Variants in RABGAP1 observed in about 807,000 individuals in gnomAD.
The protein encoded by RABGAP1 is RAB GTPase activating protein 1.
Under a neutral mutation model 137.6 loss-of-function variants are expected in RABGAP1, and 23 were observed. The observed-to-expected ratio is 0.17, with a 90% confidence interval of 0.12 to 0.24. The LOEUF (loss-of-function observed/expected upper bound fraction) is 0.24, where lower values mean the gene tolerates loss of function less well. Ranked by LOEUF, RABGAP1 falls within the 10% of genes least tolerant of loss-of-function variation. The pLI, the probability that RABGAP1 is intolerant of heterozygous loss-of-function variation, is 1.00. For synonymous variants in RABGAP1, 451 were observed against 450.7 expected (o/e 1.00, Z -0.01); for missense variants, 906 against 1,275.8 (o/e 0.71, Z 4.42).
chr9:123,066,147 C>T (rs1007784179), intron 14 of RABGAP1, among the ~76,000 whole-genome samples: 11 of 152,128 alleles, frequency 7.2e-5, no homozygotes, highest in African/African-American at 1.7e-4. Flanking sequence ...TGAGACATGT[C>T]GCTAATGCTA....
intron 4 of RABGAP1, among the ~76,000 whole-genome samples, chr9:122,987,528 A>G (rs1014525001): frequency 7.2e-5 from 11 of 152,098 alleles, no homozygotes; most frequent in Admixed American, 2.0e-4. Flanking sequence ...TTTAACAGCA[A>G]TGGACCTGTA....
At chr9:122,988,737 C>T (rs984064273) in intron 4 of RABGAP1, among the ~76,000 whole-genome samples, 20 of 151,824 alleles carry the variant, frequency 1.3e-4, no homozygotes, top group Non-Finnish European at 2.9e-5. Context: ...CACCTGAGGT[C>T]GGAAGATTGA....
At chr9:123,084,739 G>C (rs1451676995) in intron 19 of RABGAP1, among the ~76,000 whole-genome samples, 1 of 152,180 alleles carries the variant, frequency 6.6e-6, no homozygotes, top group Non-Finnish European at 1.5e-5. Context: ...ATACTTCACT[G>C]TGTGCTAGGA....
chr9:122,961,844 T>A (rs752478388), intron 2 of RABGAP1, among the ~76,000 whole-genome samples: 17 of 152,018 alleles, frequency 1.1e-4, no homozygotes, highest in Non-Finnish European at 1.8e-4. Context: ...TTGCCAATAA[T>A]AGGAAAAAGG....
intron 19 of RABGAP1, among the ~76,000 whole-genome samples, chr9:123,078,743 T>C (rs2034602067): frequency 6.6e-6 from 1 of 152,194 alleles, no homozygotes; most frequent in Non-Finnish European, 1.5e-5. Flanking sequence ...AAAACCTTGC[T>C]GTCCTCTTGA....
intron 1 of RABGAP1, among the ~76,000 whole-genome samples, chr9:122,947,464 A>T (rs1834003279): frequency 6.6e-6 from 1 of 152,248 alleles, no homozygotes; most frequent in South Asian, 2.1e-4. Context: ...TTCCGTGGCT[A>T]AGATGGTAAT....
chr9:122,944,549 CG>C (rs1564347400), intron 1 of RABGAP1, among the ~76,000 whole-genome samples: 1 of 150,192 alleles, frequency 6.7e-6, no homozygotes, highest in African/African-American at 2.5e-5. Flanking sequence ...TCTTTTGAAA[CG>C]GAGTCTCACT....
intron 19 of RABGAP1, among the ~76,000 whole-genome samples, chr9:123,079,530 C>T (rs375899445): frequency 1.3e-5 from 2 of 152,022 alleles, no homozygotes; most frequent in South Asian, 4.1e-4. Context: ...TGAGCCACCA[C>T]ACCCGGCCCG....
At chr9:123,082,823 T>C (rs1219925958) in intron 19 of RABGAP1, among the ~76,000 whole-genome samples, 4 of 152,242 alleles carry the variant, frequency 2.6e-5, no homozygotes, top group South Asian at 2.1e-4. Flanking sequence ...CCATTTGCTA[T>C]TTGGAGAAAC....
At position 122,957,072 on chromosome 9, in the gene RABGAP1, G is replaced by T. The variant is rs763418723; in HGVS notation, c.13G>T (p.Ala5Ser). 5 of 1,518,380 alleles carry T rather than the reference G, an allele frequency of 3.3e-6. No individual in the cohort carries two copies. The highest frequency in any genetic ancestry group is 2.7e-5 in the African/African-American group (2 of 73,770). 94.1% of individuals were successfully genotyped at this position (1,518,380 alleles called of 1,614,324 possible). MDDKASVGKISVSSD... is the reference protein window; with the variant it reads MDDKSSVGKISVSSD... ...TCATTCTTGAGTTATGGATGACAAG[G>T]CTTCTGTTGGAAAAATCAGTGTCTC... Residue 5 changes from alanine to serine, a missense_variant, in exon 2 of 26, where the codon GCT becomes TCT. Physicochemically the swap from Ala to Ser is moderately conservative, Grantham distance 99. Transcript: ENST00000373647.
At chr9:122,983,883 A>G (rs763486297) in intron 2 of RABGAP1, among the ~76,000 whole-genome samples, 1 of 152,200 alleles carries the variant, frequency 6.6e-6, no homozygotes, top group Non-Finnish European at 1.5e-5. Flanking sequence ...ACTTGATATT[A>G]TTGAAATAGA....
intron 13 of RABGAP1, chr9:123,034,998 G>C (rs140964923): frequency 2.0e-5 from 32 of 1,613,720 alleles, no homozygotes; most frequent in Non-Finnish European, 2.6e-5. Context: ...TTACACCCTG[G>C]AGACTACGCC....
chr9:122,968,452 G>A (rs1156416797), intron 2 of RABGAP1, among the ~76,000 whole-genome samples: 1 of 151,868 alleles, frequency 6.6e-6, no homozygotes, highest in Non-Finnish European at 1.5e-5. Flanking sequence ...TGAATTCGTG[G>A]CCTCAAGTAA....
chr9:122,933,851 C>G, the RABGAP1 span, among the ~76,000 whole-genome samples: 868 of 152,182 alleles, frequency 5.7e-3, 7 homozygotes, highest in Middle Eastern at 6.8e-3. Context: ...TCTCAAACTC[C>G]TGACCTCCCA....
chr9:123,051,404 C>A (rs909402529), intron 13 of RABGAP1, among the ~76,000 whole-genome samples: 1 of 151,566 alleles, frequency 6.6e-6, no homozygotes, highest in Non-Finnish European at 1.5e-5. Context: ...TGTGCCACCA[C>A]GGCTGGCTAA....
At chr9:123,078,786 C>G (rs1307731187) in intron 19 of RABGAP1, among the ~76,000 whole-genome samples, 1 of 152,140 alleles carries the variant, frequency 6.6e-6, no homozygotes, top group Non-Finnish European at 1.5e-5. Context: ...CATCTATGCT[C>G]GTCGTCAGAA....
chr9:122,966,422 C>CT (rs1372867424), intron 2 of RABGAP1, among the ~76,000 whole-genome samples: 16 of 152,142 alleles, frequency 1.1e-4, no homozygotes, highest in African/African-American at 3.6e-4. Flanking sequence ...ACTTGGGAGG[C>CT]TGAGGCAGGA....
intron 10 of RABGAP1, among the ~76,000 whole-genome samples, chr9:123,004,795 G>A (rs1273884408): frequency 6.6e-6 from 1 of 152,024 alleles, no homozygotes; most frequent in Non-Finnish European, 1.5e-5. Flanking sequence ...GGTGGCTTAT[G>A]CCTGTAATCC....
intron 13 of RABGAP1, among the ~76,000 whole-genome samples, chr9:123,057,187 C>G (rs2033749934): frequency 6.6e-6 from 1 of 151,866 alleles, no homozygotes; most frequent in African/African-American, 2.4e-5. Context: ...AGGGTGGCTG[C>G]CGGGCGGAGA....
Sources: allele counts gnomAD v4.1 joint callset (sites outside exome capture counted in the v4.1 genomes callset), GRCh38; gene constraint gnomAD v4.1.1; transcripts MANE v1.5; gene names NCBI Gene and HGNC (gene_info 2026-07-23, HGNC 2026-07-21).